ITGA8: variants seen among roughly 807,000 people sequenced by gnomAD.
ITGA8 encodes the protein integrin subunit alpha 8.
A neutral mutation model predicts 142.3 loss-of-function variants in ITGA8; 91 were observed. That is an observed-to-expected ratio of 0.64 (90% confidence interval 0.54 to 0.76). The LOEUF (loss-of-function observed/expected upper bound fraction) is 0.76, where lower values mean the gene tolerates loss of function less well. Among genes scored for constraint, ITGA8 ranks in the 30% least tolerant of loss-of-function variants. The pLI is 0.00. For missense variants in ITGA8, 1,406 were observed against 1,327.7 expected (o/e 1.06, Z -0.92); for synonymous variants, 505 against 485.2 (o/e 1.04, Z -0.54).
intron 27 of ITGA8, among the ~76,000 whole-genome samples, chr10:15,537,048 A>G (rs1426788980): frequency 1.3e-5 from 2 of 152,232 alleles, no homozygotes; most frequent in Non-Finnish European, 2.9e-5. Flanking sequence ...TGTAAAGGAA[A>G]TTTCTATTTC....
At chr10:15,525,526 C>T (rs1025118385) in intron 28 of ITGA8, among the ~76,000 whole-genome samples, 1 of 151,066 alleles carries the variant, frequency 6.6e-6, no homozygotes, top group Non-Finnish European at 1.5e-5. Context: ...CCTGTAATCC[C>T]AGCTACTAGG....
At chr10:15,618,618 G>C (rs1023280790) in intron 13 of ITGA8, among the ~76,000 whole-genome samples, 1 of 152,164 alleles carries the variant, frequency 6.6e-6, no homozygotes, top group African/African-American at 2.4e-5. Flanking sequence ...CCTGAATCTG[G>C]TGGGCACCAT....
rs747353007 is a variant in ITGA8 at position 15,671,588 on chromosome 10, A to C, written c.847+15T>G. 6.2e-7 allele frequency: 1 copy of C among 1,606,794 alleles called. No homozygotes were observed. The highest frequency in any genetic ancestry group is 8.5e-7 in the Non-Finnish European group (1 of 1,173,468). On this transcript the variant is annotated intron_variant, in intron 8 of 29. Transcript: ENST00000378076. ...CATGCTTTATAAGTGATTTAAACTC[A>C]ACAGTGCCTCTCACCTTGCTGAGAA... is the stretch of plus-strand genomic sequence containing the variant.
intron 28 of ITGA8, among the ~76,000 whole-genome samples, chr10:15,527,245 T>A (rs1833192527): frequency 6.6e-6 from 1 of 152,220 alleles, no homozygotes; most frequent in African/African-American, 2.4e-5. Flanking sequence ...AATTGTTTAA[T>A]ATAAGAGTTC....
intron 15 of ITGA8, among the ~76,000 whole-genome samples, chr10:15,612,467 A>G (rs1588674955): frequency 1.3e-5 from 2 of 152,318 alleles, no homozygotes; most frequent in African/African-American, 2.4e-5. Context: ...CACCCCAAGG[A>G]TTTGTTGATC....
intron 2 of ITGA8, among the ~76,000 whole-genome samples, chr10:15,699,185 G>C (rs1011461628): frequency 3.3e-5 from 5 of 152,214 alleles, no homozygotes; most frequent in African/African-American, 1.2e-4. Context: ...TCAGGAGGCT[G>C]AGGCAGGAGA....
chr10:15,576,276 G>A (rs1834296059), intron 23 of ITGA8, among the ~76,000 whole-genome samples: 1 of 152,066 alleles, frequency 6.6e-6, no homozygotes, highest in South Asian at 2.1e-4. Flanking sequence ...GTTAAATGGT[G>A]TAATCCAGGA....
intron 2 of ITGA8, among the ~76,000 whole-genome samples, chr10:15,713,317 G>T (rs1401479788): frequency 6.6e-6 from 1 of 152,190 alleles, no homozygotes; most frequent in African/African-American, 2.4e-5. Flanking sequence ...TGCAAATATT[G>T]TGGTGTGTGC....
chr10:15,684,758 T>C (rs116669029), intron 3 of ITGA8, among the ~76,000 whole-genome samples: 1,556 of 152,308 alleles, frequency 0.01, 25 homozygotes, highest in African/African-American at 0.036. Context: ...TTTCTTTTCT[T>C]TTTAATTGGA....
intron 2 of ITGA8, among the ~76,000 whole-genome samples, chr10:15,695,102 T>G (rs1210145308): frequency 6.6e-6 from 1 of 152,174 alleles, no homozygotes; most frequent in Non-Finnish European, 1.5e-5. Flanking sequence ...ATATCCTTTC[T>G]GCCATTATAG....
At chr10:15,683,655 G>A (rs933430293) in intron 4 of ITGA8, among the ~76,000 whole-genome samples, 12 of 152,188 alleles carry the variant, frequency 7.9e-5, no homozygotes, top group East Asian at 1.9e-4. Flanking sequence ...AGCTAACACC[G>A]TTTTGGCAAT....
At chr10:15,709,546 A>G (rs1044302223) in intron 2 of ITGA8, among the ~76,000 whole-genome samples, 1 of 152,258 alleles carries the variant, frequency 6.6e-6, no homozygotes, top group African/African-American at 2.4e-5. Context: ...TCATGAGTTT[A>G]TCTGGATGTC....
At chr10:15,644,587 C>T (rs1426970255) in intron 12 of ITGA8, among the ~76,000 whole-genome samples, 1 of 147,914 alleles carries the variant, frequency 6.8e-6, no homozygotes, top group African/African-American at 2.5e-5. Flanking sequence ...CCTCAGCCTC[C>T]CACACTGTTG....
chr10:15,719,633 T>C lies in ITGA8; in HGVS notation c.139A>G (p.Thr47Ala). 1 of 1,540,212 alleles carries C rather than the reference T, an allele frequency of 6.5e-7. No individual in the cohort carries two copies. Among genetic ancestry groups the C allele is most frequent in the Non-Finnish European group, 8.7e-7 (1 of 1,152,964 alleles). The part of the protein sequence containing the change: ...QAFNLDVEKL[T>A]VYSGPKGSYF... ...CTGCCCTTGGGGCCGCTGTACACTG[T>C]GAGCTTTTCCACGTCCAGGTTGAAC... The change falls in exon 1 of 30, where the codon ACA becomes GCA. Residue 47 changes from threonine (T) to alanine (A), a missense_variant. Physicochemically the swap from Thr to Ala is moderately conservative, Grantham distance 58. Coordinates refer to ENST00000378076, the MANE Select transcript of ITGA8 (RefSeq NM_003638.3).
intron 2 of ITGA8, among the ~76,000 whole-genome samples, chr10:15,705,612 C>A (rs754871797): frequency 1.3e-5 from 2 of 152,166 alleles, no homozygotes; most frequent in Non-Finnish European, 2.9e-5. Flanking sequence ...ACCTTCTTAA[C>A]TATTAAATTT....
chr10:15,689,876 A>C (rs1173289029), intron 2 of ITGA8, among the ~76,000 whole-genome samples: 1 of 152,174 alleles, frequency 6.6e-6, no homozygotes, highest in East Asian at 1.9e-4. Context: ...GTGTGGGCCC[A>C]GCAGAAAAGC....
At chr10:15,621,819 A>G (rs1219413423) in intron 13 of ITGA8, among the ~76,000 whole-genome samples, 2 of 152,094 alleles carry the variant, frequency 1.3e-5, no homozygotes, top group Non-Finnish European at 2.9e-5. Context: ...GTGAGCTATG[A>G]TGGTGCCACT....
chr10:15,560,320 T>C (rs1238865769), intron 25 of ITGA8, among the ~76,000 whole-genome samples: 1 of 152,106 alleles, frequency 6.6e-6, no homozygotes, highest in Admixed American at 6.6e-5. Context: ...ATTACAGATG[T>C]CCTTTTATGA....
chr10:15,615,414 T>C (rs1833373881), intron 14 of ITGA8, among the ~76,000 whole-genome samples: 1 of 152,238 alleles, frequency 6.6e-6, no homozygotes, highest in Non-Finnish European at 1.5e-5. Flanking sequence ...GGAAGCCGAT[T>C]AGGTTAGCAC....
Sources: allele counts gnomAD v4.1 joint callset (sites outside exome capture counted in the v4.1 genomes callset), GRCh38; gene constraint gnomAD v4.1.1; transcripts MANE v1.5; gene names NCBI Gene and HGNC (gene_info 2026-07-23, HGNC 2026-07-21).